Variants in ACD observed in about 807,000 individuals in gnomAD.
The protein encoded by ACD is ACD shelterin complex subunit and telomerase recruitment factor.
Under a neutral mutation model 53.9 loss-of-function variants are expected in ACD, and 39 were observed. The observed-to-expected ratio is 0.72, with a 90% confidence interval of 0.56 to 0.95. The LOEUF is 0.95. Ranked by LOEUF, ACD falls within the 40% of genes least tolerant of loss-of-function variation. The pLI, the probability that ACD is intolerant of heterozygous loss-of-function variation, is 0.00. For missense variants in ACD, 526 were observed against 587.9 expected (o/e 0.89, Z 1.09); for synonymous variants, 273 against 249.2 (o/e 1.10, Z -0.90).
chr16:67,659,502 G>T, intron 4 of ACD, 35 bp downstream of exon 4: 1 of 1,613,506 alleles, frequency 6.2e-7, no homozygotes, highest in South Asian at 1.1e-5. Flanking sequence ...AGGCTGGGGT[G>T]GGGAGAGCTG....
At position 67,658,617 on chromosome 16, in the gene ACD, G is replaced by A. The variant is rs754631809; in HGVS notation, c.767C>T (p.Pro256Leu). The change falls in exon 9 of 12, where the codon CCG becomes CTG. Residue 256 changes from proline to leucine, a missense_variant. Transcript: ENST00000620761. ...GGTCAGAGATAGGTCCTGCAGAGCCGGGTCTGGTGGGGGCAGCTCAGGGCC... is the reference window on the plus strand; with the variant it reads ...GGTCAGAGATAGGTCCTGCAGAGCCAGGTCTGGTGGGGGCAGCTCAGGGCC... Reference protein sequence around the residue: ...TQGPELPPPDPALQDLSLTLI... With the variant: ...TQGPELPPPDLALQDLSLTLI... 8.2e-6 allele frequency: 13 copies of A among 1,576,120 alleles called. No individual in the cohort carries two copies. The highest frequency in any genetic ancestry group is 1.2e-5 in the South Asian group (1 of 85,278).
rs67114979 is a variant in ACD at position 67,657,742 on chromosome 16, G to T, written c.1298+20C>A. On this transcript the variant is annotated intron_variant, in intron 11 of 11. Coordinates refer to ENST00000620761, the MANE Select transcript of ACD (RefSeq NM_001082486.2). This position sits in a 1 kb window ranked among gnomAD's most constrained non-coding sequence, Gnocchi z 4.5. The stretch of plus-strand genomic sequence containing the variant: ...GCCTGGGACTAGTGACCAAGAGTTG[G>T]GGCAGACCCAGGCACTCACCTGACA... 161,056 of 1,613,886 alleles carry T rather than the reference G, an allele frequency of 0.1. 8,943 individuals carry two copies. Among genetic ancestry groups the T allele is most frequent in the African/African-American group, 0.19 (14,021 of 74,990 alleles).
In ACD at chr16:67,659,027, CT is replaced by C. The variant is rs756960132; in HGVS notation, c.545del (p.Gln182ArgfsTer12). On this transcript the variant is annotated frameshift_variant, in exon 7 of 12. Transcript: ENST00000620761. LOFTEE classifies it high-confidence loss of function. ...TTTCAGCCAGGCACACGAGTGCCCCCTGATGCTCCTGGTCCTCCCGCATTTC... is the reference window on the plus strand; with the variant it reads ...TTTCAGCCAGGCACACGAGTGCCCCCGATGCTCCTGGTCCTCCCGCATTTC... Reference protein sequence around the residue: ...LDEMREDQEHQGALVCLAESC... With the variant: ...LDEMREDQEHXGALVCLAESC... 7.4e-6 allele frequency: 12 copies of C among 1,613,838 alleles called. No individual in the cohort carries two copies. The highest frequency in any genetic ancestry group is 1.0e-5 in the Non-Finnish European group (12 of 1,180,024).
intron 7 of ACD, 54 bp downstream of exon 7, chr16:67,658,874 G>A (rs2052933873): frequency 1.2e-6 from 2 of 1,604,574 alleles, no homozygotes; most frequent in African/African-American, 1.3e-5. Flanking sequence ...TGTGGGATAT[G>A]ACCCTTGCCC....
rs1432704450 is a variant in ACD, at chr16:67,660,113, G to A, written c.99+9C>T. 6.2e-7 allele frequency: 1 copy of A among 1,612,430 alleles called. No individual in the cohort carries two copies. Among genetic ancestry groups the A allele is most frequent in the East Asian group, 2.2e-5 (1 of 44,862 alleles). ...CGCCTCGGTCTCCGGGCCCTGAATGGGGGCTCACCTCAAGCAGCTGCCCGG... is the reference window on the plus strand; with the variant it reads ...CGCCTCGGTCTCCGGGCCCTGAATGAGGGCTCACCTCAAGCAGCTGCCCGG... On this transcript the variant is annotated intron_variant, in intron 1 of 11. Coordinates refer to ENST00000620761, the MANE Select transcript of ACD (RefSeq NM_001082486.2).
rs553014261 is a variant in ACD at position 67,658,024 on chromosome 16, C to T, written c.1168G>A (p.Gly390Arg). 3.4e-5 allele frequency: 53 copies of T among 1,548,232 alleles called. 1 individual carries two copies. The highest frequency in any genetic ancestry group is 2.8e-4 in the South Asian group (22 of 79,882). ...CKNRPPFPRTGATRGAQEPCS... is the reference protein window; with the variant it reads ...CKNRPPFPRTRATRGAQEPCS... ...GGCTCCTGGGCTCCCCTGGTAGCTC[C>T]GGTCCTGGGAAAAGGCGGCCGATTC... Residue 390 changes from glycine to arginine, a missense_variant, in exon 10 of 12, where the codon GGA (glycine) becomes AGA (arginine). Gly to Arg is a moderately radical substitution (Grantham distance 125). Transcript: ENST00000620761.
Position 67,658,194 on chromosome 16 carries a change from G to A in ACD, c.998C>T (p.Ala333Val). The change falls in exon 10 of 12, where the codon GCC (alanine) becomes GTC (valine). Residue 333 changes from alanine (A) to valine (V), a missense_variant. By Grantham distance (64) the Ala-to-Val change is moderately conservative. Transcript: ENST00000620761. ...PATLTPRSPHASRTPSSPLQS... is the reference protein window; with the variant it reads ...PATLTPRSPHVSRTPSSPLQS... Reference sequence around the variant, plus strand: ...GAGTGGGGAGCTGGGGGTACGGCTGGCGTGTGGGGACCTGGGGGTCAGGGT... The same window carrying A: ...GAGTGGGGAGCTGGGGGTACGGCTGACGTGTGGGGACCTGGGGGTCAGGGT... 1 of 1,612,672 alleles carries A rather than the reference G, an allele frequency of 6.2e-7. No homozygotes were observed. The highest frequency in any genetic ancestry group is 8.5e-7 in the Non-Finnish European group (1 of 1,179,496).
In ACD at chr16:67,660,063, C is replaced by G; in HGVS notation, c.100-18G>C. The G allele has an allele frequency of 6.2e-7, 1 of 1,609,212 alleles. No homozygotes were observed. Among genetic ancestry groups the G allele is most frequent in the Non-Finnish European group, 8.5e-7 (1 of 1,178,174 alleles). ...TGTAGTACCTGACGGCGGCGAGCGG[C>G]GTCAATCCCACCACCCCGGGCCTCC... On this transcript the variant is annotated intron_variant, in intron 1 of 11. Transcript: ENST00000620761.
At position 67,659,365 on chromosome 16, in the gene ACD, C is replaced by A; in HGVS notation, c.458+10G>T. The stretch of plus-strand genomic sequence containing the variant: ...CAACACGTGGCCCCCGAGCCCAACC[C>A]CAGACTCACTCAAGGCAGTCATAGA... On this transcript the variant is annotated intron_variant, in intron 5 of 11. Coordinates refer to ENST00000620761, the MANE Select transcript of ACD (RefSeq NM_001082486.2). 1 of 1,614,086 alleles carries A rather than the reference C, an allele frequency of 6.2e-7. No individual in the cohort carries two copies. The highest frequency in any genetic ancestry group is 8.5e-7 in the Non-Finnish European group (1 of 1,180,014).
intron 9 of ACD, 49 bp downstream of exon 9, chr16:67,658,506 C>A: frequency 1.3e-6 from 2 of 1,571,150 alleles, no homozygotes; most frequent in Non-Finnish European, 1.7e-6. Flanking sequence ...AGCCCGGGAA[C>A]CTGACTGACA....
At chr16:67,659,323 A>C in intron 5 of ACD, 52 bp downstream of exon 5, 1 of 1,614,000 alleles carries the variant, frequency 6.2e-7, no homozygotes, top group African/African-American at 1.3e-5. Flanking sequence ...ACCTAGATAC[A>C]CCATCCCCTC....
rs755262674 is a variant in ACD, at chr16:67,659,897, T to C, written c.242+6A>G. On this transcript the variant is annotated splice_donor_region_variant and intron_variant, in intron 2 of 11. Transcript: ENST00000620761. ...CCGACCTCCAGAGCCGCGCGGGGCCTCTCACCAGTCCGAGGTGTCCAGGGC... is the reference window on the plus strand; with the variant it reads ...CCGACCTCCAGAGCCGCGCGGGGCCCCTCACCAGTCCGAGGTGTCCAGGGC... 5.7e-6 allele frequency: 9 copies of C among 1,586,664 alleles called. No individual in the cohort carries two copies. In the East Asian group the frequency reaches 1.6e-4, roughly 28 times the overall value.
Position 67,657,673 on chromosome 16 carries a change from TG to T in ACD, c.1309del (p.Gln437SerfsTer10). 1 of 1,614,128 alleles carries T rather than the reference TG, an allele frequency of 6.2e-7. No homozygotes were observed. The highest frequency in any genetic ancestry group is 8.5e-7 in the Non-Finnish European group (1 of 1,180,042). ...ARVQAVRLPP[Q>X]LMAWALHFLM... ...AAAGTGCAAGGCCCAGGCCATGAGC[TG>T]GGGAGGAAGCCTGGAAAGAAACCAC... On this transcript the variant is annotated frameshift_variant, in exon 12 of 12. Transcript: ENST00000620761. LOFTEE classifies it high-confidence loss of function. The surrounding 1 kb of genome is among the most constrained non-coding windows in gnomAD (Gnocchi z 4.5).
rs1432567553 is a variant in ACD at position 67,660,221 on chromosome 16, C to G, written c.-1G>C. The G allele has an allele frequency of 2.5e-6, 4 of 1,612,644 alleles. No individual in the cohort carries two copies. Among genetic ancestry groups the G allele is most frequent in the East Asian group, 2.2e-5 (1 of 44,886 alleles). On this transcript the variant is annotated 5_prime_UTR_variant, in exon 1 of 12. Coordinates refer to ENST00000620761, the MANE Select transcript of ACD (RefSeq NM_001082486.2). ...GGACCAGCCTCCCCGAACCTGCCAT[C>G]CCCACGGCTACACCCAGCGGATGCA...
At position 67,659,684 on chromosome 16, in the gene ACD, G is replaced by A; in HGVS notation, c.336+18C>T. On this transcript the variant is annotated intron_variant, in intron 3 of 11. Transcript: ENST00000620761. ...GAGTCATGCCCGGTAACCCGCCCAAGGCAGTCTCACCACTCACCGCGCCGC... is the reference window on the plus strand; with the variant it reads ...GAGTCATGCCCGGTAACCCGCCCAAAGCAGTCTCACCACTCACCGCGCCGC... The A allele has an allele frequency of 6.2e-7, 1 of 1,613,086 alleles. No individual in the cohort carries two copies. Among genetic ancestry groups the A allele is most frequent in the Non-Finnish European group, 8.5e-7 (1 of 1,179,986 alleles).
chr16:67,660,103 G>A lies in ACD; in HGVS notation c.99+19C>T, dbSNP rs2052975461. On this transcript the variant is annotated intron_variant, in intron 1 of 11. Transcript: ENST00000620761. ...CCCGGGCCTCCGCCTCGGTCTCCGG[G>A]CCCTGAATGGGGGCTCACCTCAAGC... The A allele has an allele frequency of 6.2e-7, 1 of 1,612,232 alleles. No homozygotes were observed.
At chr16:67,659,345 C>T in intron 5 of ACD, 30 bp downstream of exon 5, 2 of 1,614,074 alleles carry the variant, frequency 1.2e-6, no homozygotes, top group East Asian at 2.2e-5. Context: ...CCAAACAACA[C>T]GTGGCCCCCG....
At position 67,658,965 on chromosome 16, in the gene ACD, G is replaced by A. The variant is rs1445067662; in HGVS notation, c.608C>T (p.Pro203Leu). 1.9e-6 allele frequency: 3 copies of A among 1,613,676 alleles called. No homozygotes were observed. Among genetic ancestry groups the A allele is most frequent in the Admixed American group, 1.7e-5 (1 of 60,002 alleles). Reference protein sequence around the residue: ...LTLEGPCTAPPVTHWAASRCK... With the variant: ...LTLEGPCTAPLVTHWAASRCK... ...TCGTGAGGCAGCCCAGTGGGTGACAGGGGGTGCTGTGCAAGGGCCCTCCAG... is the reference window on the plus strand; with the variant it reads ...TCGTGAGGCAGCCCAGTGGGTGACAAGGGGTGCTGTGCAAGGGCCCTCCAG... The change falls in exon 7 of 12, where the codon CCT (proline) becomes CTT (leucine). Residue 203 changes from proline to leucine, a missense_variant. Coordinates refer to ENST00000620761, the MANE Select transcript of ACD (RefSeq NM_001082486.2).
chr16:67,658,507 C>T (rs767480309), intron 9 of ACD, 48 bp downstream of exon 9: 1 of 1,570,858 alleles, frequency 6.4e-7, no homozygotes, highest in Non-Finnish European at 8.6e-7. Context: ...GCCCGGGAAC[C>T]TGACTGACAG....
Sources: allele counts gnomAD v4.1 joint callset, GRCh38; gene constraint gnomAD v4.1.1; non-coding constraint Gnocchi (gnomAD v3.1); transcripts MANE v1.5; gene names NCBI Gene and HGNC (gene_info 2026-07-23, HGNC 2026-07-21).